The following NELL1 variants were observed in gnomAD, a reference collection of about 807,000 sequenced individuals.
NELL1 encodes the protein protein kinase C-binding protein NELL1.
In NELL1, 76 loss-of-function variants were observed where a neutral mutation model predicts 107.4. The observed-to-expected ratio is 0.71, with a 90% CI of 0.59 to 0.86. NELL1 has a LOEUF of 0.86. Among genes scored for constraint, NELL1 ranks in the 40% least tolerant of loss-of-function variants. The pLI, the probability that NELL1 is intolerant of heterozygous loss-of-function variation, is 0.00. For synonymous variants in NELL1, 353 were observed against 341.2 expected (o/e 1.03, Z -0.38); for missense variants, 1,024 against 1,005.5 (o/e 1.02, Z -0.25).
chr11:21,017,576 C>T (rs1180540694), intron 12 of NELL1, among the ~76,000 whole-genome samples: 4 of 151,944 alleles, frequency 2.6e-5, no homozygotes, highest in Non-Finnish European at 5.9e-5. Context: ...AATTATGGTA[C>T]CGGCTTCAGA....
At chr11:21,112,156 G>C (rs1237160876) in intron 12 of NELL1, among the ~76,000 whole-genome samples, 1 of 151,850 alleles carries the variant, frequency 6.6e-6, no homozygotes, top group East Asian at 1.9e-4. Flanking sequence ...CTGATTTCTG[G>C]TGTTTTGTTC....
At chr11:21,483,373 GT>G (rs1341005469) in intron 15 of NELL1, among the ~76,000 whole-genome samples, 1 of 152,046 alleles carries the variant, frequency 6.6e-6, no homozygotes, top group East Asian at 1.9e-4. Context: ...ACATTTTCTT[GT>G]TTGCAGTACC....
At chr11:21,382,861 T>C (rs905184830) in intron 15 of NELL1, among the ~76,000 whole-genome samples, 3 of 151,948 alleles carry the variant, frequency 2.0e-5, no homozygotes, top group African/African-American at 7.2e-5. Context: ...GTCAAGAGTT[T>C]GGTTCATATC....
chr11:21,036,320 A>G (rs1204269970), intron 12 of NELL1, among the ~76,000 whole-genome samples: 1 of 152,206 alleles, frequency 6.6e-6, no homozygotes, highest in Non-Finnish European at 1.5e-5. Flanking sequence ...AAAGCAGTTT[A>G]TAGATTCAGT....
chr11:21,080,840 C>G lies in NELL1; in HGVS notation c.1301-32749C>G, dbSNP rs368082431. 1.4e-4 allele frequency among the ~76,000 whole-genome samples: 22 copies of G among 151,948 alleles called. No individual in the cohort carries two copies. The South Asian group carries it at 4.4e-3, about 30-fold the overall frequency. ...AGTACATCTTTCTTTACATCCTCGC[C>G]AACAAAGTAGTGTTGGATTATATGA... On this transcript the variant is annotated intron_variant, in intron 12 of 19. Coordinates refer to ENST00000357134, the MANE Select transcript of NELL1 (RefSeq NM_006157.5).
At chr11:21,038,646 C>T (rs764830452) in intron 12 of NELL1, among the ~76,000 whole-genome samples, 4 of 152,166 alleles carry the variant, frequency 2.6e-5, no homozygotes, top group Non-Finnish European at 5.9e-5. Flanking sequence ...TCTCTCTGTG[C>T]TGTGGCCCTG....
intron 14 of NELL1, among the ~76,000 whole-genome samples, chr11:21,303,858 T>C (rs1849550590): frequency 6.6e-6 from 1 of 152,000 alleles, no homozygotes; most frequent in East Asian, 1.9e-4. Context: ...GGAGAAAGCT[T>C]GATCTCTGCC....
In NELL1 at chr11:21,389,621, C is replaced by T. The variant is rs549520779; in HGVS notation, c.1645+18673C>T. On this transcript the variant is annotated intron_variant, in intron 15 of 19. Transcript: ENST00000357134. ...CAAGAGGAACCACTCTCCTGGCTTCCAACACTCCAGGTCAGTTTTCCTGTT... is the reference window on the plus strand; with the variant it reads ...CAAGAGGAACCACTCTCCTGGCTTCTAACACTCCAGGTCAGTTTTCCTGTT... Among the ~76,000 whole-genome samples the T allele has an allele frequency of 1.2e-4, 18 of 151,868 alleles. No individual in the cohort carries two copies. The South Asian group carries it at 3.7e-3, about 32-fold the overall frequency.
chr11:21,277,237 A>C (rs1478101188), intron 14 of NELL1, among the ~76,000 whole-genome samples: 2 of 152,256 alleles, frequency 1.3e-5, no homozygotes, highest in African/African-American at 4.8e-5. Context: ...AAGTGGGTGA[A>C]GGATATGAAC....
chr11:21,167,391 G>A (rs1224043183), intron 13 of NELL1, among the ~76,000 whole-genome samples: 1 of 151,832 alleles, frequency 6.6e-6, no homozygotes, highest in Admixed American at 6.6e-5. Context: ...TAGACAATGG[G>A]ATGGAACATT....
chr11:20,674,458 A>C (rs1184898935), intron 1 of NELL1: 1 of 1,526,290 alleles, frequency 6.6e-7, no homozygotes, highest in Non-Finnish European at 8.8e-7. Context: ...CTTTTTACAC[A>C]CGGTAACCCA....
intron 2 of NELL1, among the ~76,000 whole-genome samples, chr11:20,698,478 A>G (rs1390162960): frequency 1.3e-5 from 2 of 152,198 alleles, no homozygotes; most frequent in African/African-American, 2.4e-5. Flanking sequence ...ATTTAGCTAT[A>G]TGGGCCAATT....
intron 13 of NELL1, among the ~76,000 whole-genome samples, chr11:21,205,244 G>A (rs960636808): frequency 3.3e-5 from 5 of 152,152 alleles, no homozygotes; most frequent in Non-Finnish European, 5.9e-5. Context: ...TCTGTCCCAG[G>A]GAGATGGGGG....
intron 12 of NELL1, among the ~76,000 whole-genome samples, chr11:21,029,911 G>A (rs1218056852): frequency 2.6e-5 from 4 of 152,120 alleles, no homozygotes; most frequent in Non-Finnish European, 4.4e-5. Context: ...GATGGCAGGC[G>A]CATTATACCT....
intron 13 of NELL1, among the ~76,000 whole-genome samples, chr11:21,139,988 A>T (rs1440263725): frequency 6.6e-6 from 1 of 152,144 alleles, no homozygotes; most frequent in Non-Finnish European, 1.5e-5. Context: ...GTCAAGAACA[A>T]CATTATCTTT....
chr11:20,669,574 T>G (rs763838966), upstream of NELL1: 6 of 512,546 alleles, frequency 1.2e-5, no homozygotes, highest in African/African-American at 4.0e-5. The surrounding 1 kb of genome is among the most constrained non-coding windows in gnomAD (Gnocchi z 4.4). Context: ...CGGGCGCATA[T>G]GCGAGCGCAG....
At chr11:20,701,896 G>A (rs1401330193) in intron 2 of NELL1, among the ~76,000 whole-genome samples, 1 of 152,162 alleles carries the variant, frequency 6.6e-6, no homozygotes, top group Non-Finnish European at 1.5e-5. Flanking sequence ...GTACCATGCT[G>A]TTTTGGTTAC....
intron 12 of NELL1, among the ~76,000 whole-genome samples, chr11:21,041,880 T>A (rs1409545813): frequency 6.6e-6 from 1 of 152,224 alleles, no homozygotes; most frequent in African/African-American, 2.4e-5. Context: ...AAGGATGGTG[T>A]TTTGCTGAAG....
At chr11:21,024,442 C>T (rs935456042) in intron 12 of NELL1, among the ~76,000 whole-genome samples, 1 of 152,082 alleles carries the variant, frequency 6.6e-6, no homozygotes, top group Non-Finnish European at 1.5e-5. Flanking sequence ...GTTATGGTCT[C>T]ACATATGTAT....
Sources: allele counts gnomAD v4.1 joint callset (sites outside exome capture counted in the v4.1 genomes callset), GRCh38; gene constraint gnomAD v4.1.1; non-coding constraint Gnocchi (gnomAD v3.1); transcripts MANE v1.5; gene names NCBI Gene and HGNC (gene_info 2026-07-23, HGNC 2026-07-21).